PTPRN2: variants seen among roughly 807,000 people sequenced by gnomAD.
PTPRN2 encodes the protein receptor-type tyrosine-protein phosphatase N2.
A neutral mutation model predicts 118.8 loss-of-function variants in PTPRN2; 74 were observed. That is an observed-to-expected ratio of 0.62 (90% CI 0.52 to 0.76). The LOEUF is 0.76. Among genes scored for constraint, PTPRN2 ranks in the 30% least tolerant of loss-of-function variants. PTPRN2 has a pLI of 0.00. For missense variants in PTPRN2, 1,481 were observed against 1,394.4 expected, an observed-to-expected ratio of 1.06 and a Z score of -0.99; for synonymous variants, 641 against 608.0, an observed-to-expected ratio of 1.05 and a Z score of -0.80.
rs1307656726 is a variant in PTPRN2, at chr7:158,574,429, A to G, written c.112+13129T>C. 6.6e-6 allele frequency among the ~76,000 whole-genome samples: 1 copy of G among 152,238 alleles called. No individual in the cohort carries two copies. The highest frequency in any genetic ancestry group is 1.9e-4 in the East Asian group (1 of 5,190). On this transcript the variant is annotated intron_variant, in intron 1 of 22. Transcript: ENST00000389418. The surrounding 1 kb of genome is among the most constrained non-coding windows in gnomAD (Gnocchi z 4.6). The stretch of plus-strand genomic sequence containing the variant: ...GCACATATATAACTTGTAAATAAGA[A>G]TATGTATCCGGTAAATAAATGCACA...
intron 2 of PTPRN2, among the ~76,000 whole-genome samples, chr7:158,353,395 G>A (rs1031593622): frequency 2.6e-5 from 4 of 152,244 alleles, no homozygotes; most frequent in South Asian, 4.1e-4. Context: ...CAATGTTGAA[G>A]TTATGGCTGA....
intron 2 of PTPRN2, among the ~76,000 whole-genome samples, chr7:158,394,622 G>T (rs1216962362): frequency 6.6e-6 from 1 of 152,236 alleles, no homozygotes; most frequent in Non-Finnish European, 1.5e-5. Flanking sequence ...CGCAGAAAGT[G>T]TCAAGGCACA....
rs764023353 is a variant in PTPRN2 at position 158,304,844 on chromosome 7, CTTAA to C, written c.277+11971_277+11974del. Among the ~76,000 whole-genome samples the C allele has an allele frequency of 5.3e-5, 8 of 152,138 alleles. No individual in the cohort carries two copies. In the East Asian group the frequency reaches 9.6e-4, roughly 18 times the overall value. On this transcript the variant is annotated intron_variant, in intron 3 of 22. Transcript: ENST00000389418. ...ATCAGACTTGAAAAGGTGCCAGACT[CTTAA>C]TTAATTCCCTCTTGGATCAGGGAAA...
At chr7:158,241,057 T>C (rs1468191766) in intron 3 of PTPRN2, among the ~76,000 whole-genome samples, 2 of 152,118 alleles carry the variant, frequency 1.3e-5, no homozygotes, top group Non-Finnish European at 2.9e-5. Flanking sequence ...TGGATCATGG[T>C]CTTGGGCCAG....
At position 157,697,812 on chromosome 7, in the gene PTPRN2, C is replaced by G. The variant is rs28547200; in HGVS notation, c.1789-14875G>C. 2.8e-3 allele frequency among the ~76,000 whole-genome samples: 310 copies of G among 110,218 alleles called. 1 individual carries two copies. Among genetic ancestry groups the G allele is most frequent in the Non-Finnish European group, 3.4e-3 (191 of 55,376 alleles). 72.3% of individuals were successfully genotyped at this position (110,218 alleles called of 152,430 possible). ...CATCTACCCATGCATACTGGGTCTT[C>G]GCAGAGCCCTCACTGTCTACCCATG... On this transcript the variant is annotated intron_variant, in intron 12 of 22. Transcript: ENST00000389418.
intron 6 of PTPRN2, among the ~76,000 whole-genome samples, chr7:158,148,567 GC>G (rs2150510074): frequency 2.3e-5 from 2 of 85,960 alleles, no homozygotes; most frequent in African/African-American, 9.4e-5. Context: ...CCCATCTCAC[GC>G]CACATGTCTT....
chr7:158,381,008 T>C (rs897846573), intron 2 of PTPRN2, among the ~76,000 whole-genome samples: 4 of 152,252 alleles, frequency 2.6e-5, no homozygotes, highest in Non-Finnish European at 5.9e-5. Context: ...ATCAAGTCCC[T>C]AGGCTGCACA....
chr7:157,630,393 C>G (rs940199134), intron 14 of PTPRN2, among the ~76,000 whole-genome samples: 1 of 152,146 alleles, frequency 6.6e-6, no homozygotes, highest in Non-Finnish European at 1.5e-5. Context: ...AACAGGAATC[C>G]CGACCCATAC....
intron 2 of PTPRN2, among the ~76,000 whole-genome samples, chr7:158,430,910 C>T (rs1816120769): frequency 6.6e-6 from 1 of 152,208 alleles, no homozygotes; most frequent in Admixed American, 6.5e-5. Context: ...GGCCATCTGA[C>T]CCTGGCTGTG....
intron 11 of PTPRN2, among the ~76,000 whole-genome samples, chr7:158,050,982 G>T (rs1809285181): frequency 6.6e-6 from 1 of 152,204 alleles, no homozygotes; most frequent in South Asian, 2.1e-4. Context: ...GGTCACCCAG[G>T]GGCACGCCAT....
At chr7:158,411,469 G>A (rs1814081220) in intron 2 of PTPRN2, among the ~76,000 whole-genome samples, 1 of 152,094 alleles carries the variant, frequency 6.6e-6, no homozygotes, top group African/African-American at 2.4e-5. Flanking sequence ...CCACTCTCTG[G>A]TCCCCCCAGC....
chr7:158,424,867 CA>C (rs1340552380), intron 2 of PTPRN2, among the ~76,000 whole-genome samples: 17 of 152,244 alleles, frequency 1.1e-4, no homozygotes, highest in African/African-American at 3.9e-4. Flanking sequence ...CTTAATCTCC[CA>C]CGCCAGGTGT....
intron 12 of PTPRN2, among the ~76,000 whole-genome samples, chr7:157,771,107 T>C (rs1178433955): frequency 6.6e-6 from 1 of 152,136 alleles, no homozygotes; most frequent in African/African-American, 2.4e-5. Flanking sequence ...CCAAGCAGCC[T>C]TGTGGAGGCT....
At chr7:158,335,811 C>G (rs1220120972) in intron 2 of PTPRN2, among the ~76,000 whole-genome samples, 1 of 8,164 alleles carries the variant, frequency 1.2e-4, no homozygotes, top group African/African-American at 6.6e-4. Context: ...GAGGTGACAC[C>G]TGCAGACGTC....
At chr7:157,926,336 CTCTG>C (rs1403483070) in intron 11 of PTPRN2, among the ~76,000 whole-genome samples, 1 of 152,212 alleles carries the variant, frequency 6.6e-6, no homozygotes, top group East Asian at 1.9e-4. Flanking sequence ...CGTCACGTCC[CTCTG>C]TCTGTCCACC....
intron 15 of PTPRN2, among the ~76,000 whole-genome samples, chr7:157,614,340 G>A (rs1376709902): frequency 6.6e-6 from 1 of 152,116 alleles, no homozygotes; most frequent in Non-Finnish European, 1.5e-5. Flanking sequence ...GGCTTGCAGA[G>A]TTCCCTACAG....
At chr7:158,247,375 G>A (rs974425747) in intron 3 of PTPRN2, among the ~76,000 whole-genome samples, 1 of 152,212 alleles carries the variant, frequency 6.6e-6, no homozygotes, top group Non-Finnish European at 1.5e-5. Context: ...GCTCTTGACC[G>A]TGTCTGCGTG....
chr7:158,523,454 G>GTCTGCCCTGGAGTGGAGTCC (rs1563392507), intron 1 of PTPRN2, among the ~76,000 whole-genome samples: 1 of 142,526 alleles, frequency 7.0e-6, no homozygotes, highest in African/African-American at 2.6e-5. Flanking sequence ...GAGCGGAGTC[G>GTCTGCCCTGGAGTGGAGTCC]TCTGCCCTGG....
At chr7:158,463,384 TATC>T (rs1411493683) in intron 2 of PTPRN2, among the ~76,000 whole-genome samples, 1 of 151,632 alleles carries the variant, frequency 6.6e-6, no homozygotes, top group East Asian at 1.9e-4. Context: ...TCATCATCAT[TATC>T]ATTACCATCA....
Sources: allele counts gnomAD v4.1 joint callset (sites outside exome capture counted in the v4.1 genomes callset), GRCh38; gene constraint gnomAD v4.1.1; non-coding constraint Gnocchi (gnomAD v3.1); transcripts MANE v1.5; gene names NCBI Gene and HGNC (gene_info 2026-07-23, HGNC 2026-07-21).